The following COG5 variants were observed in gnomAD, a reference collection of about 807,000 sequenced individuals.
The protein encoded by COG5 is conserved oligomeric Golgi complex subunit 5.
Under a neutral mutation model 110.4 loss-of-function variants are expected in COG5, and 86 were observed. That is an observed-to-expected ratio of 0.78 (90% CI 0.65 to 0.93). The LOEUF (loss-of-function observed/expected upper bound fraction) is 0.93, where lower values mean the gene tolerates loss of function less well. Among genes scored for constraint, COG5 ranks in the 40% least tolerant of loss-of-function variants. COG5 has a pLI of 0.00. For synonymous variants in COG5, 360 were observed against 334.6 expected, an observed-to-expected ratio of 1.08 and a Z score of -0.83; for missense variants, 1,077 against 987.0, an observed-to-expected ratio of 1.09 and a Z score of -1.22.
chr7:107,482,891 G>A (rs2129121933), intron 6 of COG5, among the ~76,000 whole-genome samples: 1 of 152,190 alleles, frequency 6.6e-6, no homozygotes, highest in South Asian at 2.1e-4. Flanking sequence ...ACTCAAACCA[G>A]AAGTACTATT....
chr7:107,484,163 T>C (rs923751366), intron 6 of COG5, among the ~76,000 whole-genome samples: 5 of 152,118 alleles, frequency 3.3e-5, no homozygotes, highest in Non-Finnish European at 4.4e-5. Context: ...CAATCCTCCC[T>C]GCTCAGCCTC....
chr7:107,332,905 A>G (rs1810391773), intron 10 of COG5, among the ~76,000 whole-genome samples: 1 of 152,156 alleles, frequency 6.6e-6, no homozygotes, highest in Non-Finnish European at 1.5e-5. Flanking sequence ...ATGTGGAATC[A>G]AAAAACAAAA....
At chr7:107,399,402 T>C (rs1051787931) in intron 7 of COG5, among the ~76,000 whole-genome samples, 5 of 146,092 alleles carry the variant, frequency 3.4e-5, no homozygotes, top group East Asian at 2.1e-4. Flanking sequence ...TGGGAGGTGA[T>C]TGGATCATGG....
chr7:107,509,978 G>C (rs1172648282), intron 6 of COG5, among the ~76,000 whole-genome samples: 2 of 152,174 alleles, frequency 1.3e-5, no homozygotes, highest in Non-Finnish European at 2.9e-5. Flanking sequence ...AGGCTAGGAA[G>C]AAACTGCATC....
chr7:107,373,715 G>A (rs1255984577), intron 7 of COG5, among the ~76,000 whole-genome samples: 3 of 152,058 alleles, frequency 2.0e-5, no homozygotes, highest in Non-Finnish European at 4.4e-5. Context: ...CTAAGTTAAC[G>A]AACAAATTAC....
chr7:107,327,884 T>G (rs147545987), intron 10 of COG5, among the ~76,000 whole-genome samples: 10 of 152,134 alleles, frequency 6.6e-5, no homozygotes, highest in Admixed American at 2.0e-4. Context: ...ATGGAAAACA[T>G]TAGGGAGGTT....
At chr7:107,360,290 T>C (rs6466165) in intron 10 of COG5, among the ~76,000 whole-genome samples, 96,417 of 152,132 alleles carry the variant, frequency 0.63, 32,816 homozygotes, top group African/African-American at 0.91. Context: ...CTACCCACTT[T>C]GGGTCTGCCA....
At chr7:107,205,805 C>T (rs1562909227) in intron 21 of COG5, among the ~76,000 whole-genome samples, 2 of 151,842 alleles carry the variant, frequency 1.3e-5, no homozygotes, top group Non-Finnish European at 2.9e-5. Flanking sequence ...GTTTGTGAAA[C>T]GATCTCACCT....
At chr7:107,393,876 A>C (rs1478473133) in intron 7 of COG5, among the ~76,000 whole-genome samples, 1 of 152,212 alleles carries the variant, frequency 6.6e-6, no homozygotes, top group African/African-American at 2.4e-5. Flanking sequence ...GTTTCAACAA[A>C]TCAATCTTCT....
intron 6 of COG5, among the ~76,000 whole-genome samples, chr7:107,492,994 A>C (rs1264254360): frequency 6.6e-6 from 1 of 152,122 alleles, no homozygotes; most frequent in Non-Finnish European, 1.5e-5. Context: ...TGGAAGTTTA[A>C]TCCCCAATGT....
At chr7:107,326,185 C>A (rs919431869) in intron 10 of COG5, among the ~76,000 whole-genome samples, 2 of 152,170 alleles carry the variant, frequency 1.3e-5, no homozygotes, top group African/African-American at 4.8e-5. Context: ...TAAGAAAAAT[C>A]TGCAGCTAAC....
intron 6 of COG5, among the ~76,000 whole-genome samples, chr7:107,441,980 G>A (rs560634427): frequency 6.6e-6 from 1 of 152,298 alleles, no homozygotes; most frequent in South Asian, 2.1e-4. Flanking sequence ...GAGCAAATAT[G>A]TTATCTAAAA....
At chr7:107,394,171 G>A (rs919647116) in intron 7 of COG5, among the ~76,000 whole-genome samples, 1 of 151,658 alleles carries the variant, frequency 6.6e-6, no homozygotes, top group Non-Finnish European at 1.5e-5. Context: ...CACTGTGTTA[G>A]CCAGCATGGT....
At chr7:107,504,880 C>CTTCTT (rs1202766001) in intron 6 of COG5, among the ~76,000 whole-genome samples, 1 of 151,952 alleles carries the variant, frequency 6.6e-6, no homozygotes, top group Admixed American at 6.6e-5. Flanking sequence ...TTATTTGAAT[C>CTTCTT]TTCTTTTTTT....
At chr7:107,203,852 G>A (rs1328581692) in intron 21 of COG5, among the ~76,000 whole-genome samples, 2 of 152,166 alleles carry the variant, frequency 1.3e-5, no homozygotes, top group African/African-American at 4.8e-5. Flanking sequence ...CATGTTTTCA[G>A]TCTGCATTGT....
intron 19 of COG5, among the ~76,000 whole-genome samples, chr7:107,223,844 T>C (rs1800126491): frequency 6.6e-6 from 1 of 152,182 alleles, no homozygotes; most frequent in African/African-American, 2.4e-5. Context: ...CTCATGGGGA[T>C]CATACCTAAC....
Position 107,203,325 on chromosome 7 carries a change from G to A in COG5, c.*191C>T. ...AAAAATCAGGTCCATGGAATTGAAA[G>A]GTGGTGATAACTCAACATTTTTTAT... On this transcript the variant is annotated 3_prime_UTR_variant, in exon 22 of 22. Coordinates refer to ENST00000297135, the MANE Select transcript of COG5 (RefSeq NM_006348.5). 3.3e-6 allele frequency: 2 copies of A among 599,636 alleles called. No individual in the cohort carries two copies. The highest frequency in any genetic ancestry group is 5.9e-6 in the Non-Finnish European group (2 of 336,186). The allele number at this position is 599,636 out of a possible 1,614,324, so 37.1% of individuals were successfully genotyped here.
intron 6 of COG5, among the ~76,000 whole-genome samples, chr7:107,521,433 T>TA (rs1414486512): frequency 6.6e-6 from 1 of 152,068 alleles, no homozygotes; most frequent in African/African-American, 2.4e-5. Flanking sequence ...ACAAGGAACT[T>TA]ACACAAATTT....
At chr7:107,302,924 G>A (rs1032495874) in intron 11 of COG5, among the ~76,000 whole-genome samples, 1 of 152,148 alleles carries the variant, frequency 6.6e-6, no homozygotes, top group Non-Finnish European at 1.5e-5. Context: ...TTGCTGTGTT[G>A]TAATAAAGTT....
Sources: allele counts gnomAD v4.1 joint callset (sites outside exome capture counted in the v4.1 genomes callset), GRCh38; gene constraint gnomAD v4.1.1; transcripts MANE v1.5; gene names NCBI Gene and HGNC (gene_info 2026-07-23, HGNC 2026-07-21).